Variants in PLLP observed in about 807,000 individuals in gnomAD.
PLLP encodes the protein plasmolipin.
Under a neutral mutation model 19.7 loss-of-function variants are expected in PLLP, and 15 were observed. The ratio of observed to expected loss-of-function variants is 0.76; its 90% confidence interval spans 0.51 to 1.17. The LOEUF is 1.17. PLLP is among the 50% of genes most tolerant of loss of function. PLLP has a pLI of 0.00. For missense variants in PLLP, 255 were observed against 258.3 expected (o/e 0.99, Z 0.09); for synonymous variants, 111 against 116.3 (o/e 0.95, Z 0.29).
At chr16:57,270,292 C>T (rs865912624) in intron 1 of PLLP, among the ~76,000 whole-genome samples, 63 of 131,934 alleles carry the variant, frequency 4.8e-4, no homozygotes, top group African/African-American at 1.6e-3. Flanking sequence ...CTCCAGCCCC[C>T]GAGTCCTTCC....
Position 57,256,272 on chromosome 16 carries a change from G to T in PLLP, c.*641C>A, listed in dbSNP as rs1379448986. On this transcript the variant is annotated 3_prime_UTR_variant, in exon 4 of 4. Transcript: ENST00000219207. Reference sequence around the variant, plus strand: ...CCCAAAGGGAGTATTACAGAGAGAGGCTTGGGAAAGGGAAGGAAACCTGGA... The same window carrying T: ...CCCAAAGGGAGTATTACAGAGAGAGTCTTGGGAAAGGGAAGGAAACCTGGA... The T allele has an allele frequency of 5.4e-5, 21 of 385,926 alleles. No homozygotes were observed. Among genetic ancestry groups the T allele is most frequent in the Non-Finnish European group, 8.7e-5 (19 of 218,986 alleles). 23.9% of individuals were successfully genotyped at this position (385,926 alleles called of 1,614,324 possible).
intron 1 of PLLP, among the ~76,000 whole-genome samples, chr16:57,271,019 C>A (rs2075473267): frequency 6.6e-6 from 1 of 152,188 alleles, no homozygotes; most frequent in Non-Finnish European, 1.5e-5. Flanking sequence ...ACCCCACCCC[C>A]ACCTCCCGCG....
At chr16:57,269,352 C>T (rs987298486) in intron 1 of PLLP, among the ~76,000 whole-genome samples, 2 of 152,200 alleles carry the variant, frequency 1.3e-5, no homozygotes, top group East Asian at 3.9e-4. Context: ...CACTGTGTGG[C>T]CTTGGGGGAG....
intron 1 of PLLP, among the ~76,000 whole-genome samples, chr16:57,275,093 TCA>T (rs60029615): frequency 0.079 from 9,617 of 121,042 alleles, 303 homozygotes; most frequent in Middle Eastern, 0.093. Context: ...TCCAGGGACT[TCA>T]CACACACACA....
chr16:57,258,459 C>T lies in PLLP; in HGVS notation c.432+3G>A, dbSNP rs2075432481. The T allele has an allele frequency of 1.9e-6, 3 of 1,609,130 alleles. No homozygotes were observed. The highest frequency in any genetic ancestry group is 4.5e-5 in the East Asian group (2 of 44,856). On this transcript the variant is annotated splice_donor_region_variant and intron_variant, in intron 3 of 3. Transcript: ENST00000219207. ...ACCAAGGGAGCCTGGGAAGCAGACTCACCGAGGCAGCCGCGCGCTGGTTAT... is the reference window on the plus strand; with the variant it reads ...ACCAAGGGAGCCTGGGAAGCAGACTTACCGAGGCAGCCGCGCGCTGGTTAT...
chr16:57,270,931 CTG>C (rs1222021537), intron 1 of PLLP, among the ~76,000 whole-genome samples: 2 of 152,276 alleles, frequency 1.3e-5, no homozygotes, highest in African/African-American at 4.8e-5. Flanking sequence ...ATTAAACAAA[CTG>C]TGCCAGGCGC....
At chr16:57,261,497 G>A (rs2075441656) in intron 2 of PLLP, among the ~76,000 whole-genome samples, 1 of 151,998 alleles carries the variant, frequency 6.6e-6, no homozygotes, top group Non-Finnish European at 1.5e-5. Context: ...TGAGAGAACT[G>A]CTTGAGCCCA....
intron 1 of PLLP, among the ~76,000 whole-genome samples, chr16:57,262,579 ATAATAGT>A (rs2075445423): frequency 4.3e-5 from 6 of 141,052 alleles, no homozygotes; most frequent in Non-Finnish European, 7.8e-5. Context: ...AATAATAATA[ATAATAGT>A]TAGCCAGGTA....
At chr16:57,260,407 G>A (rs1259608813) in intron 2 of PLLP, among the ~76,000 whole-genome samples, 2 of 152,128 alleles carry the variant, frequency 1.3e-5, no homozygotes, top group African/African-American at 4.8e-5. Context: ...GAGGGAGGGG[G>A]TGGACCCTGA....
intron 3 of PLLP, among the ~76,000 whole-genome samples, chr16:57,257,527 G>A (rs1211314462): frequency 1.1e-4 from 17 of 152,336 alleles, no homozygotes; most frequent in East Asian, 9.6e-4. Flanking sequence ...GGGCTTGGCC[G>A]TGGCTCCAGG....
rs1434758088 is a variant in PLLP at position 57,275,124 on chromosome 16, CACACAT to C, written c.135+9276_135+9281del. ...ACACACACACACACACACACACACA[CACACAT>C]GCATTTCAGATAAGTGTGTCTTGTA... On this transcript the variant is annotated intron_variant, in intron 1 of 3. Transcript: ENST00000219207. 7.4e-3 allele frequency among the ~76,000 whole-genome samples: 364 copies of C among 49,484 alleles called. 7 individuals carry two copies. In the South Asian group the frequency reaches 0.083, roughly 11 times the overall value. 32.5% of individuals were successfully genotyped at this position (49,484 alleles called of 152,430 possible). A position where few individuals can be genotyped will look rare whatever the true frequency, so the allele number is the denominator to read the frequency against.
At chr16:57,262,959 C>T (rs1383272780) in intron 1 of PLLP, among the ~76,000 whole-genome samples, 2 of 152,154 alleles carry the variant, frequency 1.3e-5, no homozygotes, top group Non-Finnish European at 2.9e-5. Context: ...CTTCCCCAGA[C>T]TGCGAGCTCC....
intron 1 of PLLP, among the ~76,000 whole-genome samples, chr16:57,272,570 G>A (rs1352454861): frequency 6.6e-6 from 1 of 151,846 alleles, no homozygotes; most frequent in Non-Finnish European, 1.5e-5. Flanking sequence ...CTCTCTCCCT[G>A]GACTTCCGGC....
chr16:57,261,774 G>C, intron 2 of PLLP, 123 bp downstream of exon 2: 2 of 796,138 alleles, frequency 2.5e-6, no homozygotes, highest in Non-Finnish European at 4.2e-6. Context: ...TCCACCCCTG[G>C]CTCTGCAGAT....
chr16:57,259,912 G>C (rs2075436895), intron 2 of PLLP, among the ~76,000 whole-genome samples: 2 of 151,934 alleles, frequency 1.3e-5, no homozygotes, highest in Admixed American at 6.6e-5. Context: ...GGGAGGCAGG[G>C]GTTGCAATGA....
chr16:57,262,152 T>C lies in PLLP; in HGVS notation c.136-82A>G, dbSNP rs1043813039. On this transcript the variant is annotated intron_variant, in intron 1 of 3. Transcript: ENST00000219207. ...GCTAAGAAATACTGGCCAGGCACAG[T>C]GGCTCATGCCTGTAATGTCAGCACT... is the stretch of plus-strand genomic sequence containing the variant. 6.9e-5 allele frequency: 95 copies of C among 1,380,136 alleles called. No homozygotes were observed. The South Asian group carries it at 7.6e-4, about 11-fold the overall frequency. 85.5% of individuals were successfully genotyped at this position (1,380,136 alleles called of 1,614,324 possible).
chr16:57,276,730 G>A (rs1382030515), intron 1 of PLLP, among the ~76,000 whole-genome samples: 3 of 152,122 alleles, frequency 2.0e-5, no homozygotes, highest in African/African-American at 7.2e-5. Flanking sequence ...AACCTTCCAG[G>A]AGGCATGCTG....
chr16:57,258,731 G>A (rs984687640), intron 2 of PLLP, 147 bp from the exon 3 acceptor site: 1 of 730,876 alleles, frequency 1.4e-6, no homozygotes, highest in Admixed American at 2.4e-5. Context: ...AGACCAGCCT[G>A]GGGAACATAG....
chr16:57,283,547 C>A (rs1901244545), intron 1 of PLLP, among the ~76,000 whole-genome samples: 1 of 152,212 alleles, frequency 6.6e-6, no homozygotes, highest in South Asian at 2.1e-4. Context: ...GGCCCTCACC[C>A]ACCCAGGGCA....
Sources: gnomAD v4.1 joint callset for allele counts (sites outside exome capture counted in the v4.1 genomes callset) on GRCh38, gnomAD v4.1.1 for gene constraint, MANE v1.5 for transcripts, NCBI Gene and HGNC (gene_info 2026-07-23, HGNC 2026-07-21) for gene names.